LRP1B: variants seen among roughly 807,000 people sequenced by gnomAD.
LRP1B encodes low-density lipoprotein receptor-related protein 1B.
Under a neutral mutation model 556.6 loss-of-function variants are expected in LRP1B, and 217 were observed. The ratio of observed to expected loss-of-function variants is 0.39; its 90% CI spans 0.35 to 0.44. The LOEUF is 0.44. Ranked by LOEUF, LRP1B falls within the 20% of genes least tolerant of loss-of-function variation. LRP1B has a pLI of 1.00. For missense variants in LRP1B, 5,053 were observed against 5,620.8 expected (o/e 0.90, Z 3.23); for synonymous variants, 2,047 against 1,865.8 (o/e 1.10, Z -2.50).
intron 6 of LRP1B, among the ~76,000 whole-genome samples, chr2:141,216,715 CA>C (rs1380949863): frequency 6.6e-6 from 1 of 151,860 alleles, no homozygotes; most frequent in African/African-American, 2.4e-5. Context: ...GACATGGAGT[CA>C]AAAAAAGATT....
At chr2:140,662,250 G>A (rs1021088685) in intron 41 of LRP1B, among the ~76,000 whole-genome samples, 6 of 151,980 alleles carry the variant, frequency 3.9e-5, no homozygotes, top group Non-Finnish European at 8.8e-5. Flanking sequence ...TATTTCTTGA[G>A]TGAGAAAATT....
At chr2:141,368,157 A>G (rs1214370812) in intron 3 of LRP1B, among the ~76,000 whole-genome samples, 1 of 152,224 alleles carries the variant, frequency 6.6e-6, no homozygotes, top group Non-Finnish European at 1.5e-5. Context: ...TATTTAATGT[A>G]ATATAAAATT....
rs754926947 is a variant in LRP1B, at chr2:141,480,552, G to T, written c.206-19C>A. The T allele has an allele frequency of 1.2e-6, 2 of 1,613,182 alleles. No individual in the cohort carries two copies. Among genetic ancestry groups the T allele is most frequent in the South Asian group, 1.1e-5 (1 of 91,056 alleles). On this transcript the variant is annotated intron_variant, in intron 2 of 90. Transcript: ENST00000389484. ...TCGGGACCTGAAAAGATGTAAAAAA[G>T]AACAGAATTATGTGTTAGCTTTTCT...
intron 7 of LRP1B, among the ~76,000 whole-genome samples, chr2:141,118,188 T>C (rs566800322): frequency 6.6e-6 from 1 of 151,900 alleles, no homozygotes; most frequent in Non-Finnish European, 1.5e-5. Context: ...ATGTTCAGTT[T>C]GCACTAATTT....
chr2:140,551,362 AG>A (rs1680542185), intron 43 of LRP1B, among the ~76,000 whole-genome samples: 4 of 152,286 alleles, frequency 2.6e-5, no homozygotes, highest in Admixed American at 2.6e-4. Context: ...CTGGGAAGAA[AG>A]GACTTTGACA....
At chr2:141,610,832 C>A (rs915399083) in intron 2 of LRP1B, among the ~76,000 whole-genome samples, 1 of 152,156 alleles carries the variant, frequency 6.6e-6, no homozygotes, top group African/African-American at 2.4e-5. Flanking sequence ...AGATAAGGAA[C>A]ACGCTGCCTA....
At chr2:140,438,347 G>GA in intron 66 of LRP1B, among the ~76,000 whole-genome samples, 1 of 151,606 alleles carries the variant, frequency 6.6e-6, no homozygotes, top group Admixed American at 6.6e-5. Flanking sequence ...TTAACTTTAG[G>GA]AAAAAAGAGT....
At chr2:141,878,264 G>C (rs556819326) in intron 1 of LRP1B, among the ~76,000 whole-genome samples, 1 of 151,824 alleles carries the variant, frequency 6.6e-6, no homozygotes, top group Admixed American at 6.6e-5. Context: ...AGACACCAGA[G>C]AGCTGAGATG....
At chr2:141,139,969 A>G (rs952512870) in intron 7 of LRP1B, among the ~76,000 whole-genome samples, 1 of 152,112 alleles carries the variant, frequency 6.6e-6, no homozygotes, top group Non-Finnish European at 1.5e-5. Flanking sequence ...GTATGAATAA[A>G]CAAACTGTGG....
Position 140,622,562 on chromosome 2 carries a change from T to C in LRP1B, c.6800-20923A>G, listed in dbSNP as rs114885296. 2.0e-3 allele frequency among the ~76,000 whole-genome samples: 303 copies of C among 152,304 alleles called. 3 individuals carry two copies. The highest frequency in any genetic ancestry group is 6.8e-3 in the African/African-American group (282 of 41,576). On this transcript the variant is annotated intron_variant, in intron 41 of 90. Transcript: ENST00000389484. ...GGTGAAGATGATTTCTCACAAGCTA[T>C]AAAACATCTGAGGAAATGCTTTAAC... is the stretch of plus-strand genomic sequence containing the variant.
chr2:141,381,420 G>A (rs1249929908), intron 3 of LRP1B, among the ~76,000 whole-genome samples: 1 of 151,636 alleles, frequency 6.6e-6, no homozygotes, highest in Non-Finnish European at 1.5e-5. Context: ...CTTACGAGAT[G>A]GCAATGTAAG....
chr2:140,533,025 C>T (rs549118234), intron 47 of LRP1B, among the ~76,000 whole-genome samples: 3 of 130,192 alleles, frequency 2.3e-5, no homozygotes, highest in South Asian at 5.2e-4. Context: ...GCACGTGTCT[C>T]ATGAATTTTG....
chr2:141,873,142 A>G (rs1169205524), intron 1 of LRP1B, among the ~76,000 whole-genome samples: 1 of 151,986 alleles, frequency 6.6e-6, no homozygotes, highest in Non-Finnish European at 1.5e-5. Flanking sequence ...TTTTGACAGG[A>G]TAGAATCATC....
At chr2:140,580,269 T>G (rs542142283) in intron 43 of LRP1B, among the ~76,000 whole-genome samples, 1 of 152,254 alleles carries the variant, frequency 6.6e-6, no homozygotes, top group African/African-American at 2.4e-5. Flanking sequence ...CTGGAAATAT[T>G]AAATATTGGG....
intron 75 of LRP1B, among the ~76,000 whole-genome samples, chr2:140,354,075 A>G (rs1682098337): frequency 6.6e-6 from 1 of 152,086 alleles, no homozygotes; most frequent in African/African-American, 2.4e-5. Flanking sequence ...GATTGAGGCC[A>G]GGTGATTCTA....
At position 140,392,300 on chromosome 2, in the gene LRP1B, G is replaced by A. The variant is rs141355867; in HGVS notation, c.10415-6291C>T. On this transcript the variant is annotated intron_variant, in intron 66 of 90. Coordinates refer to ENST00000389484, the MANE Select transcript of LRP1B (RefSeq NM_018557.3). Reference sequence around the variant, plus strand: ...AGGATATTTATCCTAAAACAGTTCCGCTGAATTTCAACCTGGCAATCTAAA... The same window carrying A: ...AGGATATTTATCCTAAAACAGTTCCACTGAATTTCAACCTGGCAATCTAAA... 1.4e-3 allele frequency among the ~76,000 whole-genome samples: 217 copies of A among 151,926 alleles called. 1 individual carries two copies. Among genetic ancestry groups the A allele is most frequent in the Non-Finnish European group, 2.2e-3 (152 of 67,976 alleles).
chr2:140,330,059 G>A (rs985309789), intron 79 of LRP1B, among the ~76,000 whole-genome samples: 4 of 151,562 alleles, frequency 2.6e-5, no homozygotes, highest in African/African-American at 9.7e-5. Context: ...AATTAGCTGG[G>A]CATGGTAGCA....
intron 43 of LRP1B, among the ~76,000 whole-genome samples, chr2:140,552,683 A>C (rs1007415853): frequency 1.3e-5 from 2 of 151,986 alleles, no homozygotes; most frequent in South Asian, 4.1e-4. Context: ...CACAAATTGC[A>C]CTCTACCATG....
At chr2:140,794,635 CAG>C in intron 32 of LRP1B, among the ~76,000 whole-genome samples, 1 of 149,860 alleles carries the variant, frequency 6.7e-6, no homozygotes, top group East Asian at 2.0e-4. Flanking sequence ...TTTTTTGAGA[CAG>C]AGTTTCGCTC....
Sources: gnomAD v4.1 joint callset for allele counts (sites outside exome capture counted in the v4.1 genomes callset) on GRCh38, gnomAD v4.1.1 for gene constraint, MANE v1.5 for transcripts, NCBI Gene and HGNC (gene_info 2026-07-23, HGNC 2026-07-21) for gene names.